ANK1: variants seen among roughly 807,000 people sequenced by gnomAD.
ANK1 encodes ankyrin 1, also known as ankyrin-1.
A neutral mutation model predicts 210.4 loss-of-function variants in ANK1; 51 were observed. The observed-to-expected ratio is 0.24, with a 90% CI of 0.19 to 0.31. ANK1 has a LOEUF of 0.31. Among genes scored for constraint, ANK1 ranks in the 10% least tolerant of loss-of-function variants. The pLI, the probability that ANK1 is intolerant of heterozygous loss-of-function variation, is 1.00. For missense variants in ANK1, 2,051 were observed against 2,504.4 expected (o/e 0.82, Z 3.86); for synonymous variants, 967 against 1,025.9 (o/e 0.94, Z 1.10).
At chr8:41,734,466 G>A (rs146744497) in intron 2 of ANK1, among the ~76,000 whole-genome samples, 1 of 152,334 alleles carries the variant, frequency 6.6e-6, no homozygotes, top group Non-Finnish European at 1.5e-5. Context: ...GGTAACACCA[G>A]TGCATCCTAA....
At chr8:41,722,686 G>A (rs1829560014) in intron 9 of ANK1, among the ~76,000 whole-genome samples, 1 of 152,234 alleles carries the variant, frequency 6.6e-6, no homozygotes, top group African/African-American at 2.4e-5. Context: ...TGTCTTTTCT[G>A]GAGCTAGGAA....
intron 1 of ANK1, among the ~76,000 whole-genome samples, chr8:41,879,947 C>T (rs1817290459): frequency 6.6e-6 from 1 of 152,158 alleles, no homozygotes; most frequent in African/African-American, 2.4e-5. Flanking sequence ...ATTCAACCAA[C>T]GAGTCGTGGG....
rs199975878 is a variant in ANK1, at chr8:41,715,714, C to T, written c.1540G>A (p.Gly514Ser). 1.2e-6 allele frequency: 2 copies of T among 1,614,150 alleles called. No homozygotes were observed. The highest frequency in any genetic ancestry group is 1.3e-5 in the African/African-American group (1 of 75,044). Residue 514 changes from glycine (G) to serine (S), a missense_variant, in exon 14 of 43, where the codon GGC (glycine) becomes AGC (serine). Coordinates refer to ENST00000289734, the MANE Select transcript of ANK1 (RefSeq NM_000037.4). ...HTPLHIAARE[G>S]HVETVLALLE... The stretch of plus-strand genomic sequence containing the variant: ...AGGGCCAGGACTGTTTCCACATGGC[C>T]CTCACGGGCTGCAATGTGCAGGGGG...
intron 37 of ANK1, among the ~76,000 whole-genome samples, chr8:41,679,558 CTTT>C (rs869249907): frequency 1.1e-5 from 1 of 90,242 alleles, no homozygotes; most frequent in Non-Finnish European, 2.0e-5. Flanking sequence ...CCTGGACTTT[CTTT>C]TTTTTTTTTT....
At chr8:41,681,408 G>A (rs2150574032) in intron 37 of ANK1, among the ~76,000 whole-genome samples, 1 of 152,346 alleles carries the variant, frequency 6.6e-6, no homozygotes, top group East Asian at 1.9e-4. Flanking sequence ...TCTCCTATGT[G>A]GGAGAAGCAC....
intron 1 of ANK1, among the ~76,000 whole-genome samples, chr8:41,832,433 G>C (rs1355982009): frequency 1.3e-5 from 2 of 152,178 alleles, no homozygotes; most frequent in East Asian, 3.9e-4. Flanking sequence ...CAGCCAGCAG[G>C]GTGGAAATGA....
chr8:41,694,223 AC>A lies in ANK1; in HGVS notation c.3328-122del. The A allele has an allele frequency of 9.4e-7, 1 of 1,064,740 alleles. No homozygotes were observed. Among genetic ancestry groups the A allele is most frequent in the Non-Finnish European group, 1.4e-6 (1 of 736,084 alleles). The allele number at this position is 1,064,740 out of a possible 1,614,324, so 66.0% of individuals were successfully genotyped here. A position where few individuals can be genotyped will look rare whatever the true frequency, so the allele number is the denominator to read the frequency against. On this transcript the variant is annotated intron_variant, in intron 28 of 42. Transcript: ENST00000289734. The surrounding 1 kb of genome is among the most constrained non-coding windows in gnomAD (Gnocchi z 5.7). ...GCACGGGGTCCCGCCCTGCTGTTGGACCACAGAACCGACACGGTGGAGCTTG... is the reference window on the plus strand; with the variant it reads ...GCACGGGGTCCCGCCCTGCTGTTGGACACAGAACCGACACGGTGGAGCTTG...
At chr8:41,804,360 C>T (rs1487274627) in intron 1 of ANK1, among the ~76,000 whole-genome samples, 1 of 152,256 alleles carries the variant, frequency 6.6e-6, no homozygotes, top group Admixed American at 6.5e-5. Flanking sequence ...ATCATCACTT[C>T]TGCCACATTC....
At chr8:41,849,068 A>G (rs181565790) in intron 1 of ANK1, among the ~76,000 whole-genome samples, 163 of 152,366 alleles carry the variant, frequency 1.1e-3, no homozygotes, top group African/African-American at 3.7e-3. Flanking sequence ...CCCAAAGAGA[A>G]TTCAAAAATG....
intron 2 of ANK1, among the ~76,000 whole-genome samples, chr8:41,751,227 T>G (rs1468803604): frequency 6.6e-6 from 1 of 152,210 alleles, no homozygotes; most frequent in Non-Finnish European, 1.5e-5. Context: ...GAAGCTAATA[T>G]GGGTCTGTGC....
At chr8:41,789,180 C>G (rs1847092138) in intron 1 of ANK1, 1 of 152,268 alleles carries the variant, frequency 6.6e-6, no homozygotes, top group South Asian at 2.1e-4. Flanking sequence ...GTGTGATTTA[C>G]TGTTTCCTAT....
Position 41,796,073 on chromosome 8 carries a change from T to C in ANK1, c.27+1439A>G, listed in dbSNP as rs75462119. ...CCAATAACAGAGAAGAAACTAATTA[T>C]AATTGACCCATAAAGTCAAGGGTGA... On this transcript the variant is annotated intron_variant, in intron 1 of 42. Transcript: ENST00000289734. Among the ~76,000 whole-genome samples the C allele has an allele frequency of 3.6e-3, 552 of 152,296 alleles. 5 individuals are homozygous for C. The highest frequency in any genetic ancestry group is 0.012 in the African/African-American group (483 of 41,554).
chr8:41,703,999 T>A, intron 20 of ANK1, 42 bp downstream of exon 20: 1 of 1,557,954 alleles, frequency 6.4e-7, no homozygotes, highest in Non-Finnish European at 8.9e-7. Flanking sequence ...GCTGCTGCCA[T>A]GGGGAGCAGT....
At chr8:41,712,220 C>T (rs1032729075) in intron 16 of ANK1, among the ~76,000 whole-genome samples, 5 of 152,128 alleles carry the variant, frequency 3.3e-5, no homozygotes, top group African/African-American at 1.2e-4. Flanking sequence ...CCACCGTGCC[C>T]GGCCCTATTA....
At chr8:41,878,100 C>G (rs1185331147) in intron 1 of ANK1, among the ~76,000 whole-genome samples, 2 of 152,166 alleles carry the variant, frequency 1.3e-5, no homozygotes, top group African/African-American at 2.4e-5. Flanking sequence ...TACCAGACAC[C>G]CACTCTTCTC....
chr8:41,655,709 T>C lies in ANK1; in HGVS notation c.*81A>G, dbSNP rs763570051. 3.1e-6 allele frequency: 5 copies of C among 1,613,842 alleles called. No homozygotes were observed. In the East Asian group the frequency reaches 1.1e-4, roughly 36 times the overall value. On this transcript the variant is annotated 3_prime_UTR_variant, in exon 43 of 43. Transcript: ENST00000289734. ...AGGTCCAGCTCTCCTCCTGTGTGCA[T>C]GGCAGAGTGTGTGGGGTTCAGGGGT...
intron 35 of ANK1, 139 bp downstream of exon 35, chr8:41,688,017 C>G (rs928146583): frequency 3.5e-5 from 38 of 1,089,594 alleles, no homozygotes; most frequent in Non-Finnish European, 5.1e-5. Context: ...GGGCAGCAGA[C>G]CCAGCTCAGA....
Position 41,655,394 on chromosome 8 carries a change from T to A in ANK1, c.*396A>T, listed in dbSNP as rs1343636714. 25 of 273,784 alleles carry A rather than the reference T, an allele frequency of 9.1e-5. No individual in the cohort carries two copies. Among genetic ancestry groups the A allele is most frequent in the Non-Finnish European group, 1.2e-4 (18 of 147,082 alleles). 17.0% of individuals were successfully genotyped at this position (273,784 alleles called of 1,614,324 possible). ...TACCCTGTACGAAGTCAAAACAATT[T>A]AAAAAAAAAACCCCAAAACCAAAAC... On this transcript the variant is annotated 3_prime_UTR_variant, in exon 43 of 43. Transcript: ENST00000289734.
At chr8:41,757,869 G>C (rs752438889) in intron 2 of ANK1, among the ~76,000 whole-genome samples, 167 bp downstream of exon 2, 2 of 152,230 alleles carry the variant, frequency 1.3e-5, no homozygotes, top group African/African-American at 2.4e-5. Context: ...CCTGGGCCAC[G>C]GCAGGAGTGG....
Sources: gnomAD v4.1 joint callset for allele counts (sites outside exome capture counted in the v4.1 genomes callset) on GRCh38, gnomAD v4.1.1 for gene constraint, Gnocchi (gnomAD v3.1) non-coding constraint, MANE v1.5 for transcripts, NCBI Gene and HGNC (gene_info 2026-07-23, HGNC 2026-07-21) for gene names.